The following KLF12 variants were observed in gnomAD, a reference collection of about 807,000 sequenced individuals.
KLF12 encodes KLF transcription factor 12.
KLF12 carries 9 observed loss-of-function variants against 37.8 expected under a neutral mutation model. That is an observed-to-expected ratio of 0.24 (90% CI 0.14 to 0.42). KLF12 has a LOEUF of 0.42. KLF12 is among the 10% of genes least tolerant of loss of function. The probability of loss-of-function intolerance (pLI) is 1.00; values close to 1 mark genes in which losing one functional copy is unlikely to be tolerated. For synonymous variants in KLF12, 208 were observed against 202.1 expected, an observed-to-expected ratio of 1.03 and a Z score of -0.25; for missense variants, 411 against 516.0, an observed-to-expected ratio of 0.80 and a Z score of 1.97.
chr13:73,886,689 T>C (rs1257649435), intron 3 of KLF12, among the ~76,000 whole-genome samples: 1 of 151,940 alleles, frequency 6.6e-6, no homozygotes, highest in Non-Finnish European at 1.5e-5. Flanking sequence ...AATGCCAAAA[T>C]GTAAAGAAAA....
chr13:74,076,845 G>A (rs1226922244), intron 1 of KLF12, among the ~76,000 whole-genome samples: 2 of 151,976 alleles, frequency 1.3e-5, no homozygotes, highest in Non-Finnish European at 2.9e-5. Flanking sequence ...CCTTCTTTGT[G>A]TTCATGTGTT....
intron 3 of KLF12, among the ~76,000 whole-genome samples, chr13:73,854,438 T>G (rs901872664): frequency 1.3e-5 from 2 of 152,242 alleles, no homozygotes; most frequent in Non-Finnish European, 2.9e-5. Context: ...ATATCAAATT[T>G]CAGAGAAAGA....
At chr13:74,285,795 TTGCAAGGTAAAAG>T in the KLF12 span, among the ~76,000 whole-genome samples, 2 of 152,176 alleles carry the variant, frequency 1.3e-5, no homozygotes, top group Non-Finnish European at 1.5e-5. Context: ...TTTATTGAGA[TTGCAAGGTAAAAG>T]TGCACCTAAT....
chr13:74,169,262 G>T, the KLF12 span, among the ~76,000 whole-genome samples: 13 of 152,138 alleles, frequency 8.5e-5, no homozygotes, highest in Non-Finnish European at 1.8e-4. Context: ...CAAGAGTTCT[G>T]TTCAGATAAT....
chr13:74,223,228 C>T, the KLF12 span, among the ~76,000 whole-genome samples: 1 of 152,140 alleles, frequency 6.6e-6, no homozygotes, highest in African/African-American at 2.4e-5. Context: ...CAATTTTCTT[C>T]CTTTGTGGTT....
intron 3 of KLF12, among the ~76,000 whole-genome samples, chr13:73,888,196 G>T (rs1183616320): frequency 6.6e-6 from 1 of 152,006 alleles, no homozygotes; most frequent in East Asian, 1.9e-4. Context: ...CAGAGACAGG[G>T]TTTCGCCATG....
chr13:74,096,520 G>GT (rs1875997260), intron 1 of KLF12, among the ~76,000 whole-genome samples: 1 of 152,184 alleles, frequency 6.6e-6, no homozygotes, highest in East Asian at 1.9e-4. Flanking sequence ...ATTCAATTAC[G>GT]TAAGTTGATC....
chr13:74,250,517 T>C, the KLF12 span, among the ~76,000 whole-genome samples: 1 of 152,004 alleles, frequency 6.6e-6, no homozygotes, highest in East Asian at 1.9e-4. Flanking sequence ...CATGAGACTA[T>C]TGGAGGGAAT....
chr13:74,053,701 A>G (rs958712633), intron 1 of KLF12, among the ~76,000 whole-genome samples: 1 of 152,212 alleles, frequency 6.6e-6, no homozygotes, highest in African/African-American at 2.4e-5. Context: ...CAGATGTGTA[A>G]TAAGTATAGA....
chr13:73,815,282 G>A (rs1466569562), intron 4 of KLF12, among the ~76,000 whole-genome samples: 1 of 152,140 alleles, frequency 6.6e-6, no homozygotes, highest in Non-Finnish European at 1.5e-5. Flanking sequence ...TAACTACCCA[G>A]TCACTCGAAG....
chr13:74,005,524 T>C (rs966325033), intron 1 of KLF12, among the ~76,000 whole-genome samples: 1 of 152,198 alleles, frequency 6.6e-6, no homozygotes, highest in Non-Finnish European at 1.5e-5. Context: ...AGGCACCAGG[T>C]GTGTGGTTTG....
chr13:74,204,658 T>C, the KLF12 span, among the ~76,000 whole-genome samples: 4 of 152,104 alleles, frequency 2.6e-5, no homozygotes, highest in African/African-American at 9.7e-5. Flanking sequence ...CTTCTCTAAA[T>C]TGTAAGCAAA....
At chr13:74,197,488 C>G in the KLF12 span, among the ~76,000 whole-genome samples, 1 of 152,030 alleles carries the variant, frequency 6.6e-6, no homozygotes, top group African/African-American at 2.4e-5. Flanking sequence ...CACACACTCA[C>G]ACAGACACAC....
intron 1 of KLF12, among the ~76,000 whole-genome samples, chr13:74,052,380 A>G (rs1872980457): frequency 2.6e-5 from 4 of 152,160 alleles, no homozygotes; most frequent in Non-Finnish European, 5.9e-5. Flanking sequence ...ACATTTTAAA[A>G]TAATTGTTGG....
intron 1 of KLF12, among the ~76,000 whole-genome samples, chr13:74,041,105 C>A (rs1893390895): frequency 6.6e-6 from 1 of 152,224 alleles, no homozygotes; most frequent in African/African-American, 2.4e-5. Flanking sequence ...GACAACCACA[C>A]TAGACTACTT....
chr13:74,145,528 C>T, the KLF12 span, among the ~76,000 whole-genome samples: 2 of 152,120 alleles, frequency 1.3e-5, no homozygotes, highest in Non-Finnish European at 2.9e-5. Context: ...ACACACCATG[C>T]GTAACTCTAT....
chr13:74,106,274 C>T (rs1055113674), intron 1 of KLF12, among the ~76,000 whole-genome samples: 1 of 152,060 alleles, frequency 6.6e-6, no homozygotes, highest in East Asian at 1.9e-4. Context: ...GCTGTCTGTA[C>T]CAATTTTTTA....
intron 1 of KLF12, among the ~76,000 whole-genome samples, chr13:74,035,955 T>C (rs1016333527): frequency 1.2e-4 from 19 of 152,164 alleles, no homozygotes; most frequent in African/African-American, 4.3e-4. Flanking sequence ...GGGAAGAACC[T>C]CATCTTAAAT....
the KLF12 span, among the ~76,000 whole-genome samples, chr13:74,173,066 G>A: frequency 1.3e-5 from 2 of 152,104 alleles, no homozygotes; most frequent in Non-Finnish European, 2.9e-5. Flanking sequence ...ACATAGCTTA[G>A]AAACAAGTTT....
Sources: gnomAD v4.1 joint callset for allele counts (sites outside exome capture counted in the v4.1 genomes callset) on GRCh38, gnomAD v4.1.1 for gene constraint, MANE v1.5 for transcripts, NCBI Gene and HGNC (gene_info 2026-07-23, HGNC 2026-07-21) for gene names.